The following MAGI1 variants were observed in gnomAD, a reference collection of about 807,000 sequenced individuals.
MAGI1 encodes membrane-associated guanylate kinase, WW and PDZ domain-containing protein 1.
Under a neutral mutation model 139.9 loss-of-function variants are expected in MAGI1, and 58 were observed. That is an observed-to-expected ratio of 0.41 (90% CI 0.34 to 0.52). The LOEUF is 0.52. MAGI1 is among the 20% of genes least tolerant of loss of function. MAGI1 has a pLI of 0.12. For missense variants in MAGI1, 1,874 were observed against 1,901.6 expected (o/e 0.99, Z 0.27); for synonymous variants, 812 against 737.9 (o/e 1.10, Z -1.63).
At chr3:65,647,107 T>C (rs1338559854) in intron 1 of MAGI1, among the ~76,000 whole-genome samples, 1 of 152,054 alleles carries the variant, frequency 6.6e-6, no homozygotes, top group Non-Finnish European at 1.5e-5. Flanking sequence ...AAACAATTGA[T>C]AAACTTCTAG....
chr3:65,405,612 T>C lies in MAGI1; in HGVS notation c.2168-4142A>G, dbSNP rs1945268656. On this transcript the variant is annotated intron_variant, in intron 12 of 22. Transcript: ENST00000402939. ...AACTCTATACTGCTTCTTTTTTTTTTTGGACAGAGTCTCCTTCTGTTGCCC... is the reference window on the plus strand; with the variant it reads ...AACTCTATACTGCTTCTTTTTTTTTCTGGACAGAGTCTCCTTCTGTTGCCC... 4.6e-5 allele frequency among the ~76,000 whole-genome samples: 7 copies of C among 152,222 alleles called. No individual in the cohort carries two copies. In the South Asian group the frequency reaches 1.5e-3, roughly 32 times the overall value.
chr3:65,916,225 C>G (rs944979750), intron 1 of MAGI1, among the ~76,000 whole-genome samples: 1 of 152,008 alleles, frequency 6.6e-6, no homozygotes, highest in Non-Finnish European at 1.5e-5. Flanking sequence ...TGCCACCACA[C>G]CCAACCAGTT....
At chr3:65,898,533 T>C (rs543056265) in intron 1 of MAGI1, among the ~76,000 whole-genome samples, 73 of 152,260 alleles carry the variant, frequency 4.8e-4, no homozygotes, top group African/African-American at 1.5e-3. Context: ...GAAATTCAAA[T>C]TGTTGACAGG....
intron 2 of MAGI1, among the ~76,000 whole-genome samples, chr3:65,523,005 G>A (rs1405383818): frequency 1.3e-5 from 2 of 152,086 alleles, no homozygotes; most frequent in Non-Finnish European, 2.9e-5. Context: ...GGTTCTCATA[G>A]CATTCATTCC....
chr3:65,479,988 T>C (rs1057513261), intron 3 of MAGI1, among the ~76,000 whole-genome samples: 2 of 152,076 alleles, frequency 1.3e-5, no homozygotes, highest in Non-Finnish European at 2.9e-5. Flanking sequence ...AGACAGGAAA[T>C]GATTCTGAGA....
intron 1 of MAGI1, among the ~76,000 whole-genome samples, chr3:65,778,843 C>T (rs766246899): frequency 2.0e-5 from 3 of 152,128 alleles, no homozygotes; most frequent in African/African-American, 4.8e-5. Flanking sequence ...CCAAAGATTC[C>T]AATATACTCC....
intron 2 of MAGI1, among the ~76,000 whole-genome samples, chr3:65,538,727 A>C (rs1311277202): frequency 6.6e-6 from 1 of 152,116 alleles, no homozygotes; most frequent in Non-Finnish European, 1.5e-5. Context: ...CACCAGACGG[A>C]CAGGAAGGGC....
At chr3:65,710,316 T>C (rs373062471) in intron 1 of MAGI1, among the ~76,000 whole-genome samples, 5 of 147,668 alleles carry the variant, frequency 3.4e-5, no homozygotes, top group East Asian at 2.0e-4. Context: ...GTTTTGCCCT[T>C]GTTGCCCAGG....
chr3:65,372,777 G>A (rs761953662), intron 18 of MAGI1, among the ~76,000 whole-genome samples: 8 of 152,176 alleles, frequency 5.3e-5, no homozygotes, highest in South Asian at 2.1e-4. Context: ...TTTATGTTAC[G>A]GAGATGGTTT....
intron 2 of MAGI1, among the ~76,000 whole-genome samples, chr3:65,539,668 G>C (rs2079121676): frequency 6.6e-6 from 1 of 152,186 alleles, no homozygotes; most frequent in Non-Finnish European, 1.5e-5. Context: ...CACAAAGGGA[G>C]CTGGTTTCCT....
intron 1 of MAGI1, among the ~76,000 whole-genome samples, chr3:65,945,205 G>T (rs1576192951): frequency 6.6e-6 from 1 of 152,104 alleles, no homozygotes; most frequent in South Asian, 2.1e-4. Flanking sequence ...ACTGCATTTG[G>T]TTTTTTTGTT....
intron 1 of MAGI1, among the ~76,000 whole-genome samples, chr3:65,934,483 G>C (rs1176619477): frequency 2.0e-5 from 3 of 152,214 alleles, no homozygotes; most frequent in Non-Finnish European, 4.4e-5. Context: ...ACCTTCAGGT[G>C]GCATCTTTAA....
chr3:65,469,150 A>G (rs536901242), intron 5 of MAGI1, among the ~76,000 whole-genome samples: 52 of 152,250 alleles, frequency 3.4e-4, no homozygotes, highest in Admixed American at 3.3e-3. Context: ...TAACAGAAAC[A>G]AATGCTCACA....
intron 1 of MAGI1, among the ~76,000 whole-genome samples, chr3:65,672,521 T>C (rs1222838414): frequency 1.3e-5 from 2 of 152,158 alleles, no homozygotes; most frequent in Non-Finnish European, 2.9e-5. Flanking sequence ...AATGATTACA[T>C]TTGAAAGTGC....
intron 2 of MAGI1, among the ~76,000 whole-genome samples, chr3:65,609,119 G>C (rs2082902740): frequency 6.6e-6 from 1 of 152,120 alleles, no homozygotes. Context: ...AGACACAAGG[G>C]AGCTGCTGAA....
intron 5 of MAGI1, among the ~76,000 whole-genome samples, chr3:65,456,750 G>A (rs145043428): frequency 1.3e-5 from 2 of 152,228 alleles, no homozygotes; most frequent in East Asian, 3.9e-4. Context: ...TCGTCCACTT[G>A]CTCTTGGACC....
chr3:65,692,273 C>T (rs911430088), intron 1 of MAGI1, among the ~76,000 whole-genome samples: 2 of 152,116 alleles, frequency 1.3e-5, no homozygotes, highest in African/African-American at 4.8e-5. Flanking sequence ...AGACAGATAT[C>T]GTTTATTCAT....
chr3:65,449,980 C>G (rs1948929346), intron 6 of MAGI1, among the ~76,000 whole-genome samples: 1 of 152,150 alleles, frequency 6.6e-6, no homozygotes, highest in Non-Finnish European at 1.5e-5. Flanking sequence ...CTGTTGTATT[C>G]ATTGACACAT....
intron 1 of MAGI1, among the ~76,000 whole-genome samples, chr3:65,951,011 GGAAGGAAGGAAGGAAGGAAGGAAGGAAA>G (rs1560047075): frequency 5.0e-4 from 65 of 130,452 alleles, no homozygotes; most frequent in Non-Finnish European, 7.9e-4. Context: ...AAGGAAGGAA[GGAAGGAAGGAAGGAAGGAAGGAAGGAAA>G]GGAGGGAGGG....
Sources: gnomAD v4.1 joint callset for allele counts (sites outside exome capture counted in the v4.1 genomes callset) on GRCh38, gnomAD v4.1.1 for gene constraint, MANE v1.5 for transcripts, NCBI Gene and HGNC (gene_info 2026-07-23, HGNC 2026-07-21) for gene names.